ANKRD11: variants seen among roughly 807,000 people sequenced by gnomAD.
ANKRD11 encodes the protein ankyrin repeat domain-containing protein 11.
Under a neutral mutation model 195.7 loss-of-function variants are expected in ANKRD11, and 17 were observed. That is an observed-to-expected ratio of 0.09 (90% CI 0.06 to 0.13). The LOEUF (loss-of-function observed/expected upper bound fraction) is 0.13, where lower values mean the gene tolerates loss of function less well. ANKRD11 is among the 10% of genes least tolerant of loss of function. The pLI is 1.00. For synonymous variants in ANKRD11, 1,953 were observed against 1,528.1 expected (o/e 1.28, Z -6.49); for missense variants, 3,735 against 3,566.1 (o/e 1.05, Z -1.21).
intron 2 of ANKRD11, among the ~76,000 whole-genome samples, chr16:89,362,557 G>T (rs1347277304): frequency 6.6e-6 from 1 of 152,234 alleles, no homozygotes; most frequent in East Asian, 1.9e-4. Context: ...GTAAAAAGTA[G>T]AAGTTCCTCT....
chr16:89,280,343 TGAA>T lies in ANKRD11; in HGVS notation c.6196_6198del (p.Phe2066del), dbSNP rs781573469. 101 of 1,577,184 alleles carry T rather than the reference TGAA, an allele frequency of 6.4e-5. No homozygotes were observed. The highest frequency in any genetic ancestry group is 1.1e-4 in the East Asian group (5 of 44,388). ...GCTTCCGGAAGTGACTTGCAGTTGCTGAAGAAGGACTCCAGCCCGGAGGGAGGG... is the reference window on the plus strand; with the variant it reads ...GCTTCCGGAAGTGACTTGCAGTTGCTGAAGGACTCCAGCCCGGAGGGAGGG... On this transcript the variant is annotated inframe_deletion, in exon 9 of 13. Coordinates refer to ENST00000301030, the MANE Select transcript of ANKRD11 (RefSeq NM_013275.6).
chr16:89,486,764 G>A (rs1051838999), intron 1 of ANKRD11, among the ~76,000 whole-genome samples: 4 of 152,110 alleles, frequency 2.6e-5, no homozygotes, highest in African/African-American at 9.7e-5. Flanking sequence ...CCAGCACTTT[G>A]GGAGGCCGAG....
At chr16:89,316,840 C>T (rs377071896) in intron 3 of ANKRD11, 93 bp downstream of exon 3, 16 of 1,453,974 alleles carry the variant, frequency 1.1e-5, no homozygotes, top group Admixed American at 5.8e-5. Context: ...GGCCGGAGGG[C>T]GGAGAACAGG....
At chr16:89,364,351 CATT>C (rs1437050614) in intron 2 of ANKRD11, among the ~76,000 whole-genome samples, 1 of 152,204 alleles carries the variant, frequency 6.6e-6, no homozygotes, top group Non-Finnish European at 1.5e-5. Context: ...ACTCATAAAT[CATT>C]ATTTTCTTAA....
intron 4 of ANKRD11, among the ~76,000 whole-genome samples, chr16:89,296,265 T>C (rs1276051306): frequency 6.6e-6 from 1 of 152,148 alleles, no homozygotes; most frequent in Non-Finnish European, 1.5e-5. Context: ...AATTTGAGGC[T>C]TGTGTTTTTA....
chr16:89,286,918 G>A (rs754013067), intron 7 of ANKRD11: 7 of 1,289,482 alleles, frequency 5.4e-6, no homozygotes, highest in East Asian at 5.5e-5. Context: ...CTGTCATAAC[G>A]TTTACTATAG....
intron 2 of ANKRD11, among the ~76,000 whole-genome samples, chr16:89,396,213 C>T (rs1293774588): frequency 6.6e-6 from 1 of 152,202 alleles, no homozygotes; most frequent in African/African-American, 2.4e-5. Context: ...CTGGAAGAGA[C>T]AGGTGCTGCT....
At chr16:89,358,047 T>C (rs940140750) in intron 2 of ANKRD11, among the ~76,000 whole-genome samples, 1 of 152,178 alleles carries the variant, frequency 6.6e-6, no homozygotes, top group Non-Finnish European at 1.5e-5. Context: ...TCTTACTGCT[T>C]TGAACAATGG....
chr16:89,444,717 G>A (rs943818129), intron 1 of ANKRD11, among the ~76,000 whole-genome samples: 3 of 152,170 alleles, frequency 2.0e-5, no homozygotes, highest in South Asian at 2.1e-4. Flanking sequence ...AAACAGGAAG[G>A]AGGATGGCAT....
rs917394742 is a variant in ANKRD11, at chr16:89,477,046, G to A, written c.-145+13199C>T. 5.9e-5 allele frequency among the ~76,000 whole-genome samples: 9 copies of A among 152,130 alleles called. No individual in the cohort carries two copies. The East Asian group carries it at 9.6e-4, about 16-fold the overall frequency. ...TGAGCATCTATTAATAAAAGCAGAC[G>A]GAGTAAGAAACAGAGAAAAAGGTTC... On this transcript the variant is annotated intron_variant, in intron 1 of 12. Transcript: ENST00000301030.
intron 2 of ANKRD11, among the ~76,000 whole-genome samples, chr16:89,347,860 A>G (rs2039017144): frequency 6.6e-6 from 1 of 152,124 alleles, no homozygotes; most frequent in Non-Finnish European, 1.5e-5. Flanking sequence ...GTTTCTCAGA[A>G]CGTCCTCCAT....
intron 1 of ANKRD11, among the ~76,000 whole-genome samples, chr16:89,460,985 G>A (rs1419342340): frequency 3.8e-5 from 4 of 106,314 alleles, no homozygotes; most frequent in South Asian, 6.4e-4. Flanking sequence ...CCCCCCAACA[G>A]GAGACGCACC....
rs943310068 is a variant in ANKRD11, at chr16:89,300,875, C to T, written c.226+4331G>A. The T allele has an allele frequency of 3.1e-5, 22 of 702,156 alleles. No homozygotes were observed. The highest frequency in any genetic ancestry group is 2.6e-4 in the African/African-American group (15 of 57,250). 43.5% of individuals were successfully genotyped at this position (702,156 alleles called of 1,614,324 possible). ...TCCCCTTGTTCCAAAGAAACATCCA[C>T]GTGCAGAGGGCAGGCAGCTTCGGCC... On this transcript the variant is annotated intron_variant, in intron 4 of 12. Coordinates refer to ENST00000301030, the MANE Select transcript of ANKRD11 (RefSeq NM_013275.6).
chr16:89,339,118 G>GTAAT (rs1457167045), intron 2 of ANKRD11, among the ~76,000 whole-genome samples: 1 of 152,174 alleles, frequency 6.6e-6, no homozygotes, highest in Non-Finnish European at 1.5e-5. Context: ...CAGGATCCCT[G>GTAAT]TAATTATAGG....
chr16:89,417,708 A>G (rs1354406153), intron 2 of ANKRD11, among the ~76,000 whole-genome samples: 1 of 152,148 alleles, frequency 6.6e-6, no homozygotes, highest in Non-Finnish European at 1.5e-5. Context: ...CGAGACCACC[A>G]GGAACCTAAC....
At chr16:89,272,030 G>C (rs1326649084) in intron 11 of ANKRD11, 1 of 151,994 alleles carries the variant, frequency 6.6e-6, no homozygotes, top group Admixed American at 6.6e-5. Flanking sequence ...TAGAAGGCAT[G>C]CAATTAACTC....
rs534220503 is a variant in ANKRD11 at position 89,280,580 on chromosome 16, G to A, written c.5962C>T (p.Pro1988Ser). Residue 1988 changes from proline to serine, a missense_variant, in exon 9 of 13, where the codon CCC becomes TCC. Transcript: ENST00000301030. ...DLLLKSPQRF[P>S]ESPKRFCPAD... ...GGGCAGAAACGCTTTGGGGACTCGG[G>A]GAATCTCTGTGGAGACTTCAGCAGG... 1.9e-6 allele frequency: 3 copies of A among 1,613,458 alleles called. No homozygotes were observed. Among genetic ancestry groups the A allele is most frequent in the Admixed American group, 3.3e-5 (2 of 60,030 alleles).
rs1185279424 is a variant in ANKRD11, at chr16:89,268,672, C to G, written c.7807-9G>C. 3 of 1,581,138 alleles carry G rather than the reference C, an allele frequency of 1.9e-6. No homozygotes were observed. The highest frequency in any genetic ancestry group is 3.7e-5 in the Admixed American group (2 of 53,592). On this transcript the variant is annotated splice_polypyrimidine_tract_variant and intron_variant, in intron 12 of 12. Coordinates refer to ENST00000301030, the MANE Select transcript of ANKRD11 (RefSeq NM_013275.6). ...CGCATGAGGAGGCAAGTCTGCGGGA[C>G]ACACAGCGGGGAGAGGAGGGAGGAG...
Position 89,281,469 on chromosome 16 carries a change from C to T in ANKRD11, c.5073G>A (p.Ala1691=), listed in dbSNP as rs192176841. The T allele has an allele frequency of 1.3e-4, 209 of 1,614,082 alleles. 2 individuals carry two copies. The highest frequency in any genetic ancestry group is 1.1e-3 in the East Asian group (51 of 44,866). Residue 1691 remains alanine, a synonymous_variant, in exon 9 of 13, where the codon GCG becomes GCA. Coordinates refer to ENST00000301030, the MANE Select transcript of ANKRD11 (RefSeq NM_013275.6). The surrounding 1 kb of genome is among the most constrained non-coding windows in gnomAD (Gnocchi z 5.5). The stretch of plus-strand genomic sequence containing the variant: ...GCCGGCTCTGGTCAGGCCTGGGGGA[C>T]GCAGGCAGGACCTCTTTCATGTGAG... The part of the protein sequence containing the change: ...AGPHMKEVLP[A]SPRPDQSRPT...
Sources: allele counts gnomAD v4.1 joint callset (sites outside exome capture counted in the v4.1 genomes callset), GRCh38; gene constraint gnomAD v4.1.1; non-coding constraint Gnocchi (gnomAD v3.1); transcripts MANE v1.5; gene names NCBI Gene and HGNC (gene_info 2026-07-23, HGNC 2026-07-21).